SSBP3: variants seen among roughly 807,000 people sequenced by gnomAD.
The protein encoded by SSBP3 is single stranded DNA binding protein 3, also known as single-stranded DNA-binding protein 3.
A neutral mutation model predicts 69.6 loss-of-function variants in SSBP3; 5 were observed. That is an observed-to-expected ratio of 0.07 (90% CI 0.04 to 0.15). The LOEUF (loss-of-function observed/expected upper bound fraction) is 0.15, where lower values mean the gene tolerates loss of function less well. Ranked by LOEUF, SSBP3 falls within the 10% of genes least tolerant of loss-of-function variation. The pLI is 1.00. For synonymous variants in SSBP3, 196 were observed against 193.4 expected (o/e 1.01, Z -0.11); for missense variants, 312 against 534.0 (o/e 0.58, Z 4.10).
At chr1:54,249,261 GAA>G (rs1325713779) in intron 9 of SSBP3, among the ~76,000 whole-genome samples, 2 of 152,184 alleles carry the variant, frequency 1.3e-5, no homozygotes, top group East Asian at 3.8e-4. Context: ...GACTTTGCCA[GAA>G]AAAGAGAAAG....
chr1:54,302,304 C>T (rs902817248), intron 4 of SSBP3, among the ~76,000 whole-genome samples: 10 of 150,046 alleles, frequency 6.7e-5, no homozygotes, highest in African/African-American at 2.5e-4. Context: ...ATGTAGCTCA[C>T]GACTCTGAGC....
intron 5 of SSBP3, among the ~76,000 whole-genome samples, chr1:54,263,055 A>G (rs1645042450): frequency 6.6e-6 from 1 of 152,316 alleles, no homozygotes; most frequent in East Asian, 1.9e-4. Context: ...TCCATCCAGC[A>G]GCTCCTGAGA....
intron 4 of SSBP3, among the ~76,000 whole-genome samples, chr1:54,323,251 T>TA (rs960107553): frequency 6.6e-6 from 1 of 152,132 alleles, no homozygotes; most frequent in African/African-American, 2.4e-5. Context: ...TTCCAGGGCT[T>TA]AATCAGTGTT....
intron 5 of SSBP3, among the ~76,000 whole-genome samples, chr1:54,277,305 G>A (rs1449200462): frequency 1.3e-5 from 2 of 152,144 alleles, no homozygotes; most frequent in East Asian, 3.9e-4. Context: ...ACATCAAGCA[G>A]AGCTGGCATT....
chr1:54,330,936 C>G (rs1262731902), intron 4 of SSBP3, among the ~76,000 whole-genome samples: 2 of 152,276 alleles, frequency 1.3e-5, no homozygotes, highest in South Asian at 2.1e-4. Flanking sequence ...TTCGGCAGAG[C>G]CTGGAAGTAA....
chr1:54,229,400 T>C (rs1050453353), intron 14 of SSBP3, among the ~76,000 whole-genome samples: 1 of 152,170 alleles, frequency 6.6e-6, no homozygotes, highest in African/African-American at 2.4e-5. Context: ...AATGAAGATG[T>C]TTCCTGGGGC....
intron 4 of SSBP3, among the ~76,000 whole-genome samples, chr1:54,290,079 C>G (rs1463478605): frequency 3.3e-5 from 5 of 152,204 alleles, no homozygotes; most frequent in African/African-American, 1.2e-4. Context: ...AGAAGTCAAG[C>G]CCAGATCTGC....
At chr1:54,239,081 T>C in intron 14 of SSBP3, 48 bp downstream of exon 14, 2 of 1,495,616 alleles carry the variant, frequency 1.3e-6, no homozygotes, top group Non-Finnish European at 1.9e-6. Context: ...AAGTTAATTA[T>C]GATTTGTTAT....
chr1:54,228,161 G>A, intron 17 of SSBP3, 94 bp downstream of exon 17: 1 of 1,143,776 alleles, frequency 8.7e-7, no homozygotes, highest in Non-Finnish European at 1.3e-6. Context: ...CAGCTTAGCT[G>A]GCAGGCTGCA....
exon 15 of SSBP3, chr1:54,228,798 G>C: frequency 1.2e-6 from 2 of 1,611,646 alleles, no homozygotes; most frequent in East Asian, 4.5e-5. Flanking sequence ...GCCGCCCATC[G>C]GACCGTCCGA....
At chr1:54,348,890 G>A (rs1414737769) in intron 4 of SSBP3, among the ~76,000 whole-genome samples, 1 of 152,158 alleles carries the variant, frequency 6.6e-6, no homozygotes, top group Non-Finnish European at 1.5e-5. Context: ...TACACTCAAG[G>A]CAAGTCACAA....
chr1:54,354,002 A>C (rs1292218334), intron 4 of SSBP3, among the ~76,000 whole-genome samples: 1 of 152,220 alleles, frequency 6.6e-6, no homozygotes, highest in Non-Finnish European at 1.5e-5. Flanking sequence ...AACTGGACCC[A>C]GATCCAGGGC....
chr1:54,404,687 C>T (rs772375818), intron 2 of SSBP3, 50 bp from the exon 3 acceptor site: 5 of 1,606,356 alleles, frequency 3.1e-6, no homozygotes, highest in African/African-American at 1.3e-5. Flanking sequence ...ACGGGGTGGG[C>T]TGGGGGCTTC....
intron 4 of SSBP3, among the ~76,000 whole-genome samples, chr1:54,310,282 G>A: frequency 6.6e-6 from 1 of 152,164 alleles, no homozygotes; most frequent in Non-Finnish European, 1.5e-5. Context: ...TCTCTCCCCA[G>A]GGGCCGCAGG....
At chr1:54,253,905 C>T (rs1557464411) in intron 7 of SSBP3, among the ~76,000 whole-genome samples, 1 of 152,228 alleles carries the variant, frequency 6.6e-6, no homozygotes, top group African/African-American at 2.4e-5. Flanking sequence ...ATTCCTCTAA[C>T]CCTCCTATGT....
At chr1:54,274,000 A>G (rs879460622) in intron 5 of SSBP3, among the ~76,000 whole-genome samples, 14 of 152,200 alleles carry the variant, frequency 9.2e-5, no homozygotes, top group South Asian at 2.1e-4. Context: ...CTGGAGGCGG[A>G]CAGCAGGGCG....
At chr1:54,331,968 T>A (rs949079380) in intron 4 of SSBP3, among the ~76,000 whole-genome samples, 6 of 152,162 alleles carry the variant, frequency 3.9e-5, no homozygotes, top group African/African-American at 1.4e-4. Context: ...CTCCCTTTCA[T>A]GAAAATCACC....
intron 4 of SSBP3, among the ~76,000 whole-genome samples, chr1:54,324,459 C>T (rs1320749688): frequency 1.3e-5 from 2 of 151,840 alleles, no homozygotes; most frequent in Non-Finnish European, 2.9e-5. Flanking sequence ...CTCAGTGACC[C>T]CATAGGCCAG....
intron 4 of SSBP3, among the ~76,000 whole-genome samples, chr1:54,305,929 G>A (rs1378893809): frequency 4.6e-5 from 7 of 150,776 alleles, no homozygotes; most frequent in African/African-American, 9.8e-5. Flanking sequence ...TTCCTATGAT[G>A]TTGTCTTCTA....
Sources: allele counts gnomAD v4.1 joint callset (sites outside exome capture counted in the v4.1 genomes callset), GRCh38; gene constraint gnomAD v4.1.1; transcripts MANE v1.5; gene names NCBI Gene and HGNC (gene_info 2026-07-23, HGNC 2026-07-21).